COL19A1: variants seen among roughly 807,000 people sequenced by gnomAD.
COL19A1 encodes collagen alpha-1(XIX) chain.
A neutral mutation model predicts 190.2 loss-of-function variants in COL19A1; 159 were observed. That is an observed-to-expected ratio of 0.84 (90% CI 0.73 to 0.95). The LOEUF is 0.95. Ranked by LOEUF, COL19A1 falls within the 40% of genes least tolerant of loss-of-function variation. The pLI is 0.00. For synonymous variants in COL19A1, 509 were observed against 458.9 expected, an observed-to-expected ratio of 1.11 and a Z score of -1.39; for missense variants, 1,418 against 1,431.9, an observed-to-expected ratio of 0.99 and a Z score of 0.16.
At chr6:69,876,225 C>T (rs547204466) in intron 1 of COL19A1, among the ~76,000 whole-genome samples, 1 of 152,296 alleles carries the variant, frequency 6.6e-6, no homozygotes, top group South Asian at 2.1e-4. Flanking sequence ...AAATCTTATT[C>T]TGCAAATACT....
intron 40 of COL19A1, among the ~76,000 whole-genome samples, chr6:70,169,719 C>T (rs555012033): frequency 1.3e-5 from 2 of 152,042 alleles, no homozygotes; most frequent in Non-Finnish European, 2.9e-5. Context: ...CCCTGTCTAC[C>T]CTATCTTTAC....
chr6:70,072,158 T>C lies in COL19A1; in HGVS notation c.1224+3682T>C, dbSNP rs190102589. 2.6e-5 allele frequency among the ~76,000 whole-genome samples: 4 copies of C among 152,264 alleles called. No homozygotes were observed. In the East Asian group the frequency reaches 7.7e-4, roughly 29 times the overall value. On this transcript the variant is annotated intron_variant, in intron 15 of 50. Coordinates refer to ENST00000620364, the MANE Select transcript of COL19A1 (RefSeq NM_001858.6). The stretch of plus-strand genomic sequence containing the variant: ...GTTCATGGATATTAATGAGAAACAT[T>C]GCAAAAGAACTGGCATTATAAAAAT...
At chr6:70,088,952 T>C (rs1447790903) in intron 15 of COL19A1, among the ~76,000 whole-genome samples, 4 of 152,194 alleles carry the variant, frequency 2.6e-5, no homozygotes, top group Non-Finnish European at 5.9e-5. Context: ...GTTTTAGTTA[T>C]TGTTGATTTT....
chr6:70,134,566 GA>G (rs1341802903), intron 18 of COL19A1, among the ~76,000 whole-genome samples: 1 of 152,138 alleles, frequency 6.6e-6, no homozygotes, highest in Non-Finnish European at 1.5e-5. Context: ...ACACAGTTGG[GA>G]TGCGGATGAC....
intron 11 of COL19A1, among the ~76,000 whole-genome samples, chr6:69,998,150 GA>G (rs1261384291): frequency 2.6e-5 from 4 of 152,094 alleles, no homozygotes; most frequent in Non-Finnish European, 5.9e-5. Flanking sequence ...AAGCAAAAAT[GA>G]AGACATTTTG....
chr6:70,176,442 T>A, intron 41 of COL19A1, 78 bp from the exon 42 acceptor site: 1 of 1,469,794 alleles, frequency 6.8e-7, no homozygotes. Context: ...CAAATCCAAA[T>A]TATTATTTGA....
chr6:70,147,224 C>A (rs1230001656), intron 27 of COL19A1, among the ~76,000 whole-genome samples: 1 of 152,092 alleles, frequency 6.6e-6, no homozygotes, highest in East Asian at 1.9e-4. Context: ...ATATATATTA[C>A]AGCTTGTTTT....
At chr6:70,048,551 A>T (rs1401022403) in intron 14 of COL19A1, among the ~76,000 whole-genome samples, 1 of 152,094 alleles carries the variant, frequency 6.6e-6, no homozygotes, top group Non-Finnish European at 1.5e-5. Context: ...TCATTTTTAA[A>T]ATGATCGTTT....
chr6:70,180,652 G>A lies in COL19A1; in HGVS notation c.2775+129G>A, dbSNP rs907681623. The A allele has an allele frequency of 5.2e-5, 49 of 936,824 alleles. No individual in the cohort carries two copies. In the African/African-American group the frequency reaches 7.9e-4, roughly 15 times the overall value. 58.0% of individuals were successfully genotyped at this position (936,824 alleles called of 1,614,324 possible). On this transcript the variant is annotated intron_variant, in intron 44 of 50. Coordinates refer to ENST00000620364, the MANE Select transcript of COL19A1 (RefSeq NM_001858.6). ...CAAGGAGTAAGAAGAATGCACAGAT[G>A]GATTTTTGATGGCAAGGGCAGGAGT...
At chr6:69,907,771 C>T (rs1322490684) in intron 4 of COL19A1, among the ~76,000 whole-genome samples, 2 of 152,166 alleles carry the variant, frequency 1.3e-5, no homozygotes, top group East Asian at 1.9e-4. Context: ...AGGTAGCATT[C>T]GGTAAGTCAC....
At chr6:70,030,588 T>G (rs1779004365) in intron 12 of COL19A1, among the ~76,000 whole-genome samples, 1 of 152,234 alleles carries the variant, frequency 6.6e-6, no homozygotes, top group Non-Finnish European at 1.5e-5. Flanking sequence ...TTTGCAGACG[T>G]TCAATAATAT....
rs1445963355 is a variant in COL19A1 at position 70,211,420 on chromosome 6, C to T, written c.*4146C>T. Among the ~76,000 whole-genome samples, 2 of 151,836 alleles carry T rather than the reference C, an allele frequency of 1.3e-5. No individual in the cohort carries two copies. The highest frequency in any genetic ancestry group is 6.6e-5 in the Admixed American group (1 of 15,200). ...CTGAAGACACACAAGTGTTTACTGT[C>T]GCAGTTTCCCAGCGTTATTTCTTAA... is the stretch of plus-strand genomic sequence containing the variant. On this transcript the variant is annotated 3_prime_UTR_variant, in exon 51 of 51. Transcript: ENST00000620364.
At chr6:70,120,795 G>T (rs1363132958) in intron 16 of COL19A1, among the ~76,000 whole-genome samples, 1 of 152,160 alleles carries the variant, frequency 6.6e-6, no homozygotes, top group African/African-American at 2.4e-5. Context: ...TATTAGAAGA[G>T]ATCTTCAGTC....
chr6:69,889,008 T>TA (rs1431621822), intron 2 of COL19A1, among the ~76,000 whole-genome samples: 3 of 152,176 alleles, frequency 2.0e-5, no homozygotes, highest in Non-Finnish European at 4.4e-5. Flanking sequence ...CTTTATTTTT[T>TA]TAAGAAGCCT....
chr6:70,126,448 G>C (rs532876929), intron 17 of COL19A1, among the ~76,000 whole-genome samples: 1 of 152,144 alleles, frequency 6.6e-6, no homozygotes, highest in African/African-American at 2.4e-5. Context: ...TTTGAGGAAC[G>C]TTGTGGACTT....
chr6:69,891,066 TG>T, intron 2 of COL19A1: 1 of 330,762 alleles, frequency 3.0e-6, no homozygotes, highest in Admixed American at 2.8e-5. Context: ...TTTGATGGCC[TG>T]AAGGCAAGAA....
rs374849767 is a variant in COL19A1 at position 70,124,911 on chromosome 6, C to A, written c.1341+2969C>A. Among the ~76,000 whole-genome samples, 9 of 152,274 alleles carry A rather than the reference C, an allele frequency of 5.9e-5. No homozygotes were observed. The South Asian group carries it at 1.9e-3, about 32-fold the overall frequency. On this transcript the variant is annotated intron_variant, in intron 17 of 50. Coordinates refer to ENST00000620364, the MANE Select transcript of COL19A1 (RefSeq NM_001858.6). ...TTAGAGCCCTTACACCAAGGCCCCA[C>A]CAAGAAGGATGGAGGTGGTGGGACC...
intron 14 of COL19A1, among the ~76,000 whole-genome samples, chr6:70,046,099 A>G (rs1166327678): frequency 6.6e-6 from 1 of 152,206 alleles, no homozygotes; most frequent in Non-Finnish European, 1.5e-5. Flanking sequence ...TTACTTAGAT[A>G]TCTTGCTCCT....
chr6:70,176,630 G>A lies in COL19A1; in HGVS notation c.2667+66G>A, dbSNP rs572390346. On this transcript the variant is annotated intron_variant, in intron 42 of 50. Transcript: ENST00000620364. Reference sequence around the variant, plus strand: ...GTTCTATCTCCATGATACACCTGTGGCCAGGGATCAAGACAGGCAGGAGAG... The same window carrying A: ...GTTCTATCTCCATGATACACCTGTGACCAGGGATCAAGACAGGCAGGAGAG... The A allele has an allele frequency of 3.3e-6, 5 of 1,529,924 alleles. No individual in the cohort carries two copies. In the South Asian group the frequency reaches 3.5e-5, roughly 11 times the overall value. 94.8% of individuals were successfully genotyped at this position (1,529,924 alleles called of 1,614,324 possible).
Sources: gnomAD v4.1 joint callset for allele counts (sites outside exome capture counted in the v4.1 genomes callset) on GRCh38, gnomAD v4.1.1 for gene constraint, MANE v1.5 for transcripts, NCBI Gene and HGNC (gene_info 2026-07-23, HGNC 2026-07-21) for gene names.